CLPP: variants seen among roughly 807,000 people sequenced by gnomAD.
CLPP encodes the protein caseinolytic mitochondrial matrix peptidase proteolytic subunit, also known as ATP-dependent Clp protease proteolytic subunit, mitochondrial.
A neutral mutation model predicts 27.4 loss-of-function variants in CLPP; 14 were observed. The ratio of observed to expected loss-of-function variants is 0.51; its 90% CI spans 0.34 to 0.80. CLPP has a LOEUF of 0.80. CLPP is among the 30% of genes least tolerant of loss of function. The pLI, the probability that CLPP is intolerant of heterozygous loss-of-function variation, is 0.02. For synonymous variants in CLPP, 193 were observed against 166.6 expected (o/e 1.16, Z -1.22); for missense variants, 361 against 403.6 (o/e 0.89, Z 0.90).
chr19:6,362,752 AC>A (rs2091842359), intron 3 of CLPP, among the ~76,000 whole-genome samples: 1 of 152,130 alleles, frequency 6.6e-6, no homozygotes, highest in Non-Finnish European at 1.5e-5. Flanking sequence ...TTGATCCTGC[AC>A]ATACTGTTCT....
rs749970393 is a variant in CLPP, at chr19:6,361,757, C to G, written c.183C>G (p.Ile61Met). 10 of 1,449,170 alleles carry G rather than the reference C, an allele frequency of 6.9e-6. No individual in the cohort carries two copies. Among genetic ancestry groups the G allele is most frequent in the South Asian group, 1.2e-5 (1 of 81,622 alleles). 89.8% of individuals were successfully genotyped at this position (1,449,170 alleles called of 1,614,324 possible). A position where few individuals can be genotyped will look rare whatever the true frequency, so the allele number is the denominator to read the frequency against. ...CCCGGGCTCTCCCGCTCATTCCCAT[C>G]GTGGTGGAGCAGACGGTACGGCGGC... is the stretch of plus-strand genomic sequence containing the variant. ...TATRALPLIP[I>M]VVEQTGRGER... Residue 61 changes from isoleucine (I) to methionine (M), a missense_variant, in exon 1 of 6, where the codon ATC (isoleucine) becomes ATG (methionine). Around this residue, in one of 2 missense-constraint regions of CLPP, gnomAD observed 148 missense variants for 122.6 expected, o/e 1.21. Coordinates refer to ENST00000245816, the MANE Select transcript of CLPP (RefSeq NM_006012.4).
chr19:6,366,150 C>T (rs939773783), intron 4 of CLPP, 108 bp from the exon 5 acceptor site: 3 of 679,024 alleles, frequency 4.4e-6, no homozygotes, highest in Non-Finnish European at 5.2e-6. Context: ...AGCCTCAAAC[C>T]GGAAGCCCAA....
At chr19:6,362,247 T>A in intron 2 of CLPP, 199 bp from the exon 3 acceptor site, 1 of 513,952 alleles carries the variant, frequency 1.9e-6, no homozygotes, top group Non-Finnish European at 3.4e-6. Context: ...GCCCCCTGAC[T>A]CCCCCCTTCC....
At chr19:6,362,615 G>C (rs2091841663) in intron 3 of CLPP, 73 bp downstream of exon 3, 2 of 1,041,738 alleles carry the variant, frequency 1.9e-6, no homozygotes, top group Non-Finnish European at 3.0e-6. Context: ...CCAGAATCCC[G>C]GGTCAGGGAT....
chr19:6,367,255 A>G (rs145482941), intron 5 of CLPP, among the ~76,000 whole-genome samples: 112 of 151,836 alleles, frequency 7.4e-4, no homozygotes, highest in African/African-American at 2.5e-3. Context: ...CACGCCTGTA[A>G]TCCCAGCTAC....
chr19:6,369,125 TAAAA>T lies in CLPP; in HGVS notation c.*420_*423del. ...CATTCTTGTGGCAGTAGACAGTTACTAAAAAAAACAAAACAGGCCAGGCGCGCTG... is the reference window on the plus strand; with the variant it reads ...CATTCTTGTGGCAGTAGACAGTTACTAAAACAAAACAGGCCAGGCGCGCTG... On this transcript the variant is annotated 3_prime_UTR_variant, in exon 6 of 6. Transcript: ENST00000245816. 6.6e-6 allele frequency among the ~76,000 whole-genome samples: 1 copy of T among 151,816 alleles called. No individual in the cohort carries two copies. Among genetic ancestry groups the T allele is most frequent in the East Asian group, 1.9e-4 (1 of 5,154 alleles).
At chr19:6,364,747 G>C in intron 4 of CLPP, 108 bp downstream of exon 4, 1 of 915,770 alleles carries the variant, frequency 1.1e-6, no homozygotes, top group Non-Finnish European at 1.6e-6. Flanking sequence ...TTTTTTTTTT[G>C]AGATGGAGTC....
rs756769887 is a variant in CLPP at position 6,361,602 on chromosome 19, G to A, written c.28G>A (p.Ala10Thr). The A allele has an allele frequency of 4.2e-5, 59 of 1,412,530 alleles. No individual in the cohort carries two copies. Among genetic ancestry groups the A allele is most frequent in the Non-Finnish European group, 5.1e-5 (55 of 1,082,164 alleles). 87.5% of individuals were successfully genotyped at this position (1,412,530 alleles called of 1,614,324 possible). Reference sequence around the variant, plus strand: ...GTGGCCCGGAATATTGGTAGGGGGGGCCCGGGTGGCGTCATGCAGGTACCC... The same window carrying A: ...GTGGCCCGGAATATTGGTAGGGGGGACCCGGGTGGCGTCATGCAGGTACCC... MWPGILVGG[A>T]RVASCRYPAL... The change falls in exon 1 of 6, where the codon GCC becomes ACC. Residue 10 changes from alanine to threonine, a missense_variant. By Grantham distance (58) the Ala-to-Thr change is moderately conservative. Transcript: ENST00000245816.
Position 6,366,322 on chromosome 19 carries a change from A to G in CLPP, c.620A>G (p.Asn207Ser). 1.2e-6 allele frequency: 2 copies of G among 1,612,786 alleles called. No individual in the cohort carries two copies. The highest frequency in any genetic ancestry group is 1.7e-6 in the Non-Finnish European group (2 of 1,179,404). ...EIMKLKKQLYNIYAKHTKQSL... is the reference protein window; with the variant it reads ...EIMKLKKQLYSIYAKHTKQSL... ...ATGAAGCTCAAGAAGCAGCTCTATA[A>G]CATCTACGCCAAGCACACCAAACAG... The change falls in exon 5 of 6, where the codon AAC becomes AGC. Residue 207 changes from asparagine (N) to serine (S), a missense_variant. Physicochemically the swap from Asn to Ser is conservative, Grantham distance 46. Transcript: ENST00000245816.
intron 4 of CLPP, chr19:6,365,162 A>C (rs971253007): frequency 6.6e-6 from 1 of 151,128 alleles, no homozygotes; most frequent in Non-Finnish European, 1.5e-5. Context: ...GAACATAATG[A>C]GACCTTGTCT....
intron 5 of CLPP, 127 bp from the exon 6 acceptor site, chr19:6,368,411 G>A: frequency 5.6e-6 from 5 of 887,582 alleles, no homozygotes; most frequent in Non-Finnish European, 8.9e-6. Context: ...CATCCCACTA[G>A]GGGATGGGGC....
chr19:6,368,685 C>G lies in CLPP; in HGVS notation c.809C>G (p.Ala270Gly), dbSNP rs1158251949. Residue 270 changes from alanine (A) to glycine (G), a missense_variant, in exon 6 of 6, where the codon GCA becomes GGA. Coordinates refer to ENST00000245816, the MANE Select transcript of CLPP (RefSeq NM_006012.4). ...QKEPVEAAPAAEPVPAST is the reference protein window; with the variant it reads ...QKEPVEAAPAGEPVPAST ...GAGCCTGTAGAAGCAGCGCCGGCAG[C>G]AGAACCTGTCCCAGCTAGCACCTGA... is the stretch of plus-strand genomic sequence containing the variant. The G allele has an allele frequency of 1.3e-6, 2 of 1,560,158 alleles. No homozygotes were observed. Among genetic ancestry groups the G allele is most frequent in the Admixed American group, 1.9e-5 (1 of 51,954 alleles).
Position 6,361,537 on chromosome 19 carries a change from C to G in CLPP, c.-38C>G, listed in dbSNP as rs1171253829. The G allele has an allele frequency of 7.3e-7, 1 of 1,368,658 alleles. No homozygotes were observed. 84.8% of individuals were successfully genotyped at this position (1,368,658 alleles called of 1,614,324 possible). On this transcript the variant is annotated 5_prime_UTR_variant, in exon 1 of 6. Coordinates refer to ENST00000245816, the MANE Select transcript of CLPP (RefSeq NM_006012.4). ...GCAAAGCACGCCGGAAGCTGTAGTT[C>G]CGCCATCGGACGGAAGCCGACCGGG...
At chr19:6,363,619 C>T (rs756291645) in intron 3 of CLPP, among the ~76,000 whole-genome samples, 3 of 152,086 alleles carry the variant, frequency 2.0e-5, no homozygotes, top group African/African-American at 7.2e-5. Flanking sequence ...GCTTCTAGAC[C>T]GGACGCAGTG....
chr19:6,364,352 G>A (rs2091850938), intron 3 of CLPP, 100 bp from the exon 4 acceptor site: 2 of 1,100,704 alleles, frequency 1.8e-6, no homozygotes, highest in Admixed American at 4.8e-5. Flanking sequence ...AAAAAAGGAG[G>A]GGGGCTGCAT....
chr19:6,365,399 G>A (rs1318127210), intron 4 of CLPP, among the ~76,000 whole-genome samples: 1 of 152,086 alleles, frequency 6.6e-6, no homozygotes, highest in Admixed American at 6.6e-5. Context: ...AGAATCACTT[G>A]AACCCAGGAG....
chr19:6,362,596 C>T (rs2091841539), intron 3 of CLPP, 54 bp downstream of exon 3: 2 of 1,206,294 alleles, frequency 1.7e-6, no homozygotes, highest in African/African-American at 1.5e-5. Flanking sequence ...ACACGGGTGA[C>T]TCAGGGGACC....
chr19:6,368,767 A>G lies in CLPP; in HGVS notation c.*57A>G. 1 of 1,494,962 alleles carries G rather than the reference A, an allele frequency of 6.7e-7. No homozygotes were observed. Among genetic ancestry groups the G allele is most frequent in the Non-Finnish European group, 9.0e-7 (1 of 1,109,196 alleles). 92.6% of individuals were successfully genotyped at this position (1,494,962 alleles called of 1,614,324 possible). On this transcript the variant is annotated 3_prime_UTR_variant, in exon 6 of 6. Transcript: ENST00000245816. ...GGGGCCAGAGGCCTGCCAGACCCCCAGCTGGGCCCTGCTCACCCCTTGTTG... is the reference window on the plus strand; with the variant it reads ...GGGGCCAGAGGCCTGCCAGACCCCCGGCTGGGCCCTGCTCACCCCTTGTTG...
chr19:6,362,089 T>TC, intron 2 of CLPP, 149 bp downstream of exon 2: 2 of 678,866 alleles, frequency 2.9e-6, no homozygotes, highest in East Asian at 5.7e-5. Context: ...CCCTCCTGGC[T>TC]CCCGGTCCCC....
Sources: allele counts gnomAD v4.1 joint callset (sites outside exome capture counted in the v4.1 genomes callset), GRCh38; gene constraint gnomAD v4.1.1; regional missense constraint gnomAD v4.1.1; transcripts MANE v1.5; gene names NCBI Gene and HGNC (gene_info 2026-07-23, HGNC 2026-07-21).